The following TBC1D1 variants were observed in gnomAD, a reference collection of about 807,000 sequenced individuals.
TBC1D1 encodes the protein TBC1 (tre-2/USP6, BUB2, cdc16) domain family, member 1.
TBC1D1 carries 89 observed loss-of-function variants against 125.6 expected under a neutral mutation model. The ratio of observed to expected loss-of-function variants is 0.71; its 90% CI spans 0.60 to 0.85. The LOEUF (loss-of-function observed/expected upper bound fraction) is 0.85, where lower values mean the gene tolerates loss of function less well. Among genes scored for constraint, TBC1D1 ranks in the 40% least tolerant of loss-of-function variants. The pLI, the probability that TBC1D1 is intolerant of heterozygous loss-of-function variation, is 0.00. For synonymous variants in TBC1D1, 565 were observed against 564.1 expected (o/e 1.00, Z -0.02); for missense variants, 1,377 against 1,469.2 (o/e 0.94, Z 1.03).
chr4:37,945,730 C>T (rs1726568328), intron 2 of TBC1D1, among the ~76,000 whole-genome samples: 1 of 151,988 alleles, frequency 6.6e-6, no homozygotes, highest in South Asian at 2.1e-4. Context: ...CCATACAAAG[C>T]CTTTCTATTG....
At position 38,054,266 on chromosome 4, in the gene TBC1D1, T is replaced by G. The variant is rs781183000; in HGVS notation, c.1978T>G (p.Ser660Ala). 1.2e-6 allele frequency: 2 copies of G among 1,614,160 alleles called. No homozygotes were observed. The highest frequency in any genetic ancestry group is 2.2e-5 in the South Asian group (2 of 91,078). Residue 660 changes from serine to alanine, a missense_variant, in exon 12 of 20, where the codon TCC (serine) becomes GCC (alanine). Transcript: ENST00000261439. ...GACTCCTGTGAAGACCCGGAGGCATTCCTGGAGGCAGCAGATATTCCTCCG... is the reference window on the plus strand; with the variant it reads ...GACTCCTGTGAAGACCCGGAGGCATGCCTGGAGGCAGCAGATATTCCTCCG...
intron 2 of TBC1D1, among the ~76,000 whole-genome samples, chr4:37,958,722 A>AT (rs1286884418): frequency 2.0e-5 from 3 of 152,238 alleles, no homozygotes; most frequent in African/African-American, 7.2e-5. Flanking sequence ...TAAAAAATGA[A>AT]TGTGTCGGAA....
chr4:38,109,223 T>C (rs188000536), intron 15 of TBC1D1, among the ~76,000 whole-genome samples: 1 of 152,204 alleles, frequency 6.6e-6, no homozygotes, highest in Non-Finnish European at 1.5e-5. Context: ...ACAATCACAG[T>C]TGAGGAGCCT....
chr4:38,087,608 G>A (rs948901417), intron 12 of TBC1D1, among the ~76,000 whole-genome samples: 27 of 151,986 alleles, frequency 1.8e-4, no homozygotes, highest in African/African-American at 5.8e-4. Flanking sequence ...TTGGGAGGCC[G>A]AGGTGGGCAG....
At chr4:38,016,240 G>C (rs1742687144) in intron 3 of TBC1D1, among the ~76,000 whole-genome samples, 1 of 152,306 alleles carries the variant, frequency 6.6e-6, no homozygotes, top group East Asian at 1.9e-4. Flanking sequence ...AATCAGGAAA[G>C]GCTTCTTTGA....
At chr4:38,075,670 T>C (rs1755463282) in intron 12 of TBC1D1, among the ~76,000 whole-genome samples, 1 of 152,152 alleles carries the variant, frequency 6.6e-6, no homozygotes, top group African/African-American at 2.4e-5. Context: ...CATTGTGTAA[T>C]GGGATGGGTG....
intron 15 of TBC1D1, among the ~76,000 whole-genome samples, chr4:38,104,815 G>A (rs1218999787): frequency 6.6e-6 from 1 of 151,568 alleles, no homozygotes; most frequent in Non-Finnish European, 1.5e-5. Flanking sequence ...GAGTGCAGTG[G>A]TGTGATCTCA....
At chr4:38,064,428 A>C (rs919222032) in intron 12 of TBC1D1, among the ~76,000 whole-genome samples, 8 of 152,140 alleles carry the variant, frequency 5.3e-5, no homozygotes, top group African/African-American at 1.9e-4. Context: ...TGCTGGCCCT[A>C]GGCTTTCCTG....
intron 2 of TBC1D1, among the ~76,000 whole-genome samples, chr4:37,974,105 A>G (rs1489709881): frequency 6.6e-6 from 1 of 152,250 alleles, no homozygotes; most frequent in Non-Finnish European, 1.5e-5. Context: ...AGATTTGGCT[A>G]AATGGCTGCA....
At chr4:37,913,571 C>A (rs1190167619) in intron 2 of TBC1D1, among the ~76,000 whole-genome samples, 1 of 151,370 alleles carries the variant, frequency 6.6e-6, no homozygotes, top group Non-Finnish European at 1.5e-5. Flanking sequence ...TGCACTCCAG[C>A]CTAGGCAACA....
rs545272420 is a variant in TBC1D1, at chr4:38,071,111, A to G, written c.2050+16773A>G. On this transcript the variant is annotated intron_variant, in intron 12 of 19. Transcript: ENST00000261439. ...TTGATTTGCAGAAATCAAGCCCCCA[A>G]AGGTACAGATACAGTGGTCATTGTC... is the stretch of plus-strand genomic sequence containing the variant. Among the ~76,000 whole-genome samples the G allele has an allele frequency of 1.1e-3, 174 of 152,318 alleles. 1 individual carries two copies. Among genetic ancestry groups the G allele is most frequent in the African/African-American group, 4.0e-3 (168 of 41,572 alleles).
intron 6 of TBC1D1, among the ~76,000 whole-genome samples, chr4:38,025,273 C>T (rs894970907): frequency 2.6e-5 from 4 of 152,206 alleles, no homozygotes; most frequent in Admixed American, 1.3e-4. Context: ...TTTTCTGCTT[C>T]GGTCCTGGCT....
chr4:38,044,419 T>C lies in TBC1D1; in HGVS notation c.1471T>C (p.Phe491Leu). ...TGAATTACCACCCAGTGCCACTCGA[T>C]TTAGGCTAGATATGCTGAAAAACAA... Residue 491 changes from phenylalanine (F) to leucine (L), a missense_variant, in exon 9 of 20, where the codon TTT becomes CTT. Around this residue, in one of 3 missense-constraint regions of TBC1D1, gnomAD observed 822 missense variants for 824.6 expected, o/e 1.00. Transcript: ENST00000261439. 6 of 1,613,766 alleles carry C rather than the reference T, an allele frequency of 3.7e-6. No homozygotes were observed. Among genetic ancestry groups the C allele is most frequent in the Non-Finnish European group, 4.2e-6 (5 of 1,179,950 alleles).
chr4:37,924,208 A>G (rs553513374), intron 2 of TBC1D1, among the ~76,000 whole-genome samples: 17 of 151,818 alleles, frequency 1.1e-4, no homozygotes, highest in Admixed American at 3.9e-4. Flanking sequence ...CACCCCTGCC[A>G]TGCTCCCTCC....
chr4:38,021,119 A>G (rs991973386), intron 5 of TBC1D1, among the ~76,000 whole-genome samples: 3 of 152,234 alleles, frequency 2.0e-5, no homozygotes, highest in Admixed American at 6.5e-5. Context: ...AGGCCTCACA[A>G]TCATGGCGGA....
chr4:38,078,499 T>C (rs973253091), intron 12 of TBC1D1, among the ~76,000 whole-genome samples: 2 of 152,172 alleles, frequency 1.3e-5, no homozygotes, highest in African/African-American at 2.4e-5. Context: ...CACAGTGTTA[T>C]GGTGTTTGAA....
intron 17 of TBC1D1, among the ~76,000 whole-genome samples, chr4:38,120,948 G>A (rs574429321): frequency 6.6e-6 from 1 of 152,298 alleles, no homozygotes; most frequent in Admixed American, 6.5e-5. Context: ...GAGGGAGGAG[G>A]AGGAGTATAA....
rs113009791 is a variant in TBC1D1, at chr4:38,066,693, C to T, written c.2050+12355C>T. Among the ~76,000 whole-genome samples, 49 of 152,184 alleles carry T rather than the reference C, an allele frequency of 3.2e-4. 1 individual carries two copies. The East Asian group carries it at 9.3e-3, about 29-fold the overall frequency. On this transcript the variant is annotated intron_variant, in intron 12 of 19. Transcript: ENST00000261439. ...AGGTGGCAAAGCTATGCATGCCCCCCCTGGAGGGGAGCTGGGGGCTCTGGG... is the reference window on the plus strand; with the variant it reads ...AGGTGGCAAAGCTATGCATGCCCCCTCTGGAGGGGAGCTGGGGGCTCTGGG...
intron 2 of TBC1D1, among the ~76,000 whole-genome samples, chr4:37,950,665 A>G (rs1727654249): frequency 6.7e-6 from 1 of 148,970 alleles, no homozygotes; most frequent in African/African-American, 2.5e-5. Context: ...ACATTGACAC[A>G]TTATTCTCAC....
Sources: allele counts gnomAD v4.1 joint callset (sites outside exome capture counted in the v4.1 genomes callset), GRCh38; gene constraint gnomAD v4.1.1; regional missense constraint gnomAD v4.1.1; transcripts MANE v1.5; gene names NCBI Gene and HGNC (gene_info 2026-07-23, HGNC 2026-07-21).